CFI: variants seen among roughly 807,000 people sequenced by gnomAD.
CFI encodes the protein C3B/C4B inactivator.
A neutral mutation model predicts 78.8 loss-of-function variants in CFI; 66 were observed. That is an observed-to-expected ratio of 0.84 (90% CI 0.69 to 1.03). The LOEUF (loss-of-function observed/expected upper bound fraction) is 1.03, where lower values mean the gene tolerates loss of function less well. Among genes scored for constraint, CFI ranks in the 50% least tolerant of loss-of-function variants. CFI has a pLI of 0.00. For missense variants in CFI, 706 were observed against 704.5 expected, an observed-to-expected ratio of 1.00 and a Z score of -0.02; for synonymous variants, 250 against 232.6, an observed-to-expected ratio of 1.07 and a Z score of -0.68.
chr4:109,760,229 A>G, intron 6 of CFI, 41 bp downstream of exon 6: 1 of 1,382,930 alleles, frequency 7.2e-7, no homozygotes, highest in Non-Finnish European at 1.0e-6. Context: ...GAATCCCTGG[A>G]TTCAATAATG....
chr4:109,798,978 C>T (rs754516928), intron 1 of CFI, among the ~76,000 whole-genome samples: 1 of 152,020 alleles, frequency 6.6e-6, no homozygotes, highest in Non-Finnish European at 1.5e-5. Context: ...CTGTCCTGGG[C>T]ACTCACTCAT....
chr4:109,790,230 C>T lies in CFI; in HGVS notation c.57+11685G>A, dbSNP rs1048925330. ...CTTTCTCAGTTTAGCTAAGGTCTGACAATTTTGTGGCTATTTCCAAAGAAC... is the reference window on the plus strand; with the variant it reads ...CTTTCTCAGTTTAGCTAAGGTCTGATAATTTTGTGGCTATTTCCAAAGAAC... On this transcript the variant is annotated intron_variant, in intron 1 of 12. Coordinates refer to ENST00000394634, the MANE Select transcript of CFI (RefSeq NM_000204.5). Among the ~76,000 whole-genome samples, 32 of 151,874 alleles carry T rather than the reference C, an allele frequency of 2.1e-4. 1 individual carries two copies. Among genetic ancestry groups the T allele is most frequent in the Admixed American group, 2.0e-3 (30 of 15,240 alleles).
rs6533456 is a variant in CFI, at chr4:109,761,982, G to T, written c.483-290C>A. 0.99 allele frequency: 374,881 copies of T among 380,534 alleles called. 184,893 individuals carry two copies. The highest frequency in any genetic ancestry group is 1 in the East Asian group (16,378 of 16,378). The allele number at this position is 380,534 out of a possible 1,614,324, so 23.6% of individuals were successfully genotyped here. A position where few individuals can be genotyped will look rare whatever the true frequency, so the allele number is the denominator to read the frequency against. Reference sequence around the variant, plus strand: ...AGGAGGGTGGATTACCTGAGGTCAAGAGTTCGAGACCAGCCTGGCCAATAT... The same window carrying T: ...AGGAGGGTGGATTACCTGAGGTCAATAGTTCGAGACCAGCCTGGCCAATAT... On this transcript the variant is annotated intron_variant, in intron 3 of 12. Coordinates refer to ENST00000394634, the MANE Select transcript of CFI (RefSeq NM_000204.5).
chr4:109,775,190 C>A (rs1200040103), intron 1 of CFI, among the ~76,000 whole-genome samples: 1 of 152,100 alleles, frequency 6.6e-6, no homozygotes, highest in Admixed American at 6.6e-5. Context: ...GCCCATGGAG[C>A]AGGGTGGGGC....
At chr4:109,742,672 T>C (rs1001027474) in intron 11 of CFI, 77 bp from the exon 12 acceptor site, 14 of 943,146 alleles carry the variant, frequency 1.5e-5, no homozygotes, top group African/African-American at 1.5e-4. Context: ...ACTTAAACCA[T>C]TGGGATTATG....
In CFI at chr4:109,741,130, G is replaced by A; in HGVS notation, c.1535-20C>T. 1 of 1,613,488 alleles carries A rather than the reference G, an allele frequency of 6.2e-7. No individual in the cohort carries two copies. Among genetic ancestry groups the A allele is most frequent in the Non-Finnish European group, 8.5e-7 (1 of 1,179,596 alleles). ...ATGTACCTAAGAAAGAAATGTGAAA[G>A]AGAAAATCACACATTTCCTTCCATT... On this transcript the variant is annotated intron_variant, in intron 12 of 12. Transcript: ENST00000394634.
chr4:109,772,581 G>T (rs1178869879), intron 1 of CFI, among the ~76,000 whole-genome samples: 4 of 146,476 alleles, frequency 2.7e-5, no homozygotes, highest in African/African-American at 7.5e-5. Context: ...GAATTTGATC[G>T]TTTTTTTTTT....
chr4:109,778,426 A>T (rs1729561671), intron 1 of CFI, among the ~76,000 whole-genome samples: 1 of 152,168 alleles, frequency 6.6e-6, no homozygotes, highest in Admixed American at 6.5e-5. Context: ...CCAAGACTAA[A>T]CTACAAAGAG....
chr4:109,761,366 CA>C (rs1337501444), intron 4 of CFI, 150 bp downstream of exon 4: 5 of 770,512 alleles, frequency 6.5e-6, no homozygotes, highest in Non-Finnish European at 1.1e-5. Context: ...GGAAAGGTAC[CA>C]ATTTAGACTC....
At chr4:109,797,568 GAC>G (rs59154317) in intron 1 of CFI, among the ~76,000 whole-genome samples, 27,104 of 152,012 alleles carry the variant, frequency 0.18, 4,559 homozygotes, top group African/African-American at 0.43. Context: ...AGCAAAAACA[GAC>G]AAGTGGGACT....
At chr4:109,789,751 A>T (rs1731155136) in intron 1 of CFI, among the ~76,000 whole-genome samples, 1 of 152,054 alleles carries the variant, frequency 6.6e-6, no homozygotes, top group Non-Finnish European at 1.5e-5. Flanking sequence ...ATTTGGTGGG[A>T]AGATAGTCTT....
intron 1 of CFI, among the ~76,000 whole-genome samples, chr4:109,781,088 T>C (rs1729958995): frequency 1.3e-5 from 2 of 152,142 alleles, no homozygotes; most frequent in African/African-American, 4.8e-5. Flanking sequence ...ATGGCACATG[T>C]ATACATATGT....
At chr4:109,771,642 A>T (rs915345977) in intron 1 of CFI, among the ~76,000 whole-genome samples, 4 of 131,930 alleles carry the variant, frequency 3.0e-5, no homozygotes, top group African/African-American at 5.7e-5. Flanking sequence ...TGAACCAAGG[A>T]GGTGGAGGTT....
At chr4:109,738,190 C>T (rs925179580), downstream of CFI, among the ~76,000 whole-genome samples, 4 of 150,440 alleles carry the variant, frequency 2.7e-5, no homozygotes, top group Non-Finnish European at 5.9e-5. Context: ...TCACAGCTCA[C>T]TGCATCCTCA....
intron 1 of CFI, among the ~76,000 whole-genome samples, chr4:109,798,749 G>A (rs575947417): frequency 6.6e-6 from 1 of 151,622 alleles, no homozygotes. Context: ...TGCTTTGGTT[G>A]CTTGGTGTTT....
At chr4:109,776,838 AT>A (rs1304359491) in intron 1 of CFI, among the ~76,000 whole-genome samples, 3 of 152,242 alleles carry the variant, frequency 2.0e-5, no homozygotes, top group Non-Finnish European at 4.4e-5. Flanking sequence ...AAAGAAAAGA[AT>A]TTTCAACCCA....
At chr4:109,766,092 TGGGC>T (rs1727713000) in intron 2 of CFI, among the ~76,000 whole-genome samples, 1 of 152,070 alleles carries the variant, frequency 6.6e-6, no homozygotes, top group East Asian at 1.9e-4. Flanking sequence ...CACTCCAGCC[TGGGC>T]AACAGAGCCA....
downstream of CFI, among the ~76,000 whole-genome samples, chr4:109,739,278 T>TA (rs201716913): frequency 0.074 from 10,463 of 140,928 alleles, 392 homozygotes; most frequent in South Asian, 0.12. Flanking sequence ...TAGCTGTGCT[T>TA]AAAAAAAAAA....
chr4:109,798,509 T>TG, intron 1 of CFI, among the ~76,000 whole-genome samples: 1 of 4,824 alleles, frequency 2.1e-4, no homozygotes, highest in South Asian at 0.033. Context: ...CAATAAAGTG[T>TG]TTTTTTTTTT....
Sources: gnomAD v4.1 joint callset for allele counts (sites outside exome capture counted in the v4.1 genomes callset) on GRCh38, gnomAD v4.1.1 for gene constraint, MANE v1.5 for transcripts, NCBI Gene and HGNC (gene_info 2026-07-23, HGNC 2026-07-21) for gene names.